The following LAMA2 variants were observed in gnomAD, a reference collection of about 807,000 sequenced individuals.
The protein encoded by LAMA2 is laminin subunit alpha-2.
In LAMA2, 269 loss-of-function variants were observed where a neutral mutation model predicts 364.8. The ratio of observed to expected loss-of-function variants is 0.74; its 90% CI spans 0.67 to 0.82. The LOEUF is 0.82. LAMA2 is among the 40% of genes least tolerant of loss of function. The pLI is 0.00. For synonymous variants in LAMA2, 1,379 were observed against 1,370.6 expected, an observed-to-expected ratio of 1.01 and a Z score of -0.14; for missense variants, 3,807 against 3,873.2, an observed-to-expected ratio of 0.98 and a Z score of 0.45.
intron 1 of LAMA2, among the ~76,000 whole-genome samples, chr6:128,975,759 T>A (rs1782492558): frequency 6.6e-6 from 1 of 152,258 alleles, no homozygotes; most frequent in African/African-American, 2.4e-5. Context: ...GACGTGACTT[T>A]GCTCTTCAAG....
intron 61 of LAMA2, among the ~76,000 whole-genome samples, chr6:129,506,516 T>A (rs960421650): frequency 6.6e-6 from 1 of 152,184 alleles, no homozygotes; most frequent in African/African-American, 2.4e-5. Context: ...AGTACAGTTA[T>A]CCAATTTTGG....
At chr6:129,054,949 C>CCAAA (rs1562195807) in intron 2 of LAMA2, among the ~76,000 whole-genome samples, 3 of 150,140 alleles carry the variant, frequency 2.0e-5, no homozygotes, top group Non-Finnish European at 3.0e-5. Context: ...AAAAGCTATT[C>CCAAA]TGTCTTTCAC....
chr6:129,441,272 T>G (rs1182543857), intron 43 of LAMA2, among the ~76,000 whole-genome samples: 1 of 152,144 alleles, frequency 6.6e-6, no homozygotes, highest in Non-Finnish European at 1.5e-5. Flanking sequence ...AGCAGAGAGA[T>G]GCAAAACACT....
chr6:129,389,490 T>C (rs1418233427), intron 35 of LAMA2, among the ~76,000 whole-genome samples: 3 of 152,220 alleles, frequency 2.0e-5, no homozygotes, highest in Non-Finnish European at 2.9e-5. Flanking sequence ...GCATCCCTTT[T>C]ATAAGAGCAC....
chr6:128,918,722 G>A (rs1582675249), intron 1 of LAMA2, among the ~76,000 whole-genome samples: 1 of 152,268 alleles, frequency 6.6e-6, no homozygotes, highest in East Asian at 1.9e-4. Flanking sequence ...TTTGATTTGT[G>A]ACTCTGAGCC....
Position 129,098,246 on chromosome 6 carries a change from C to G in LAMA2, c.470C>G (p.Ser157Cys), listed in dbSNP as rs756699354. ...PRPGNWILER[S>C]LDDVEYKPWQ... ...CCTGGAAACTGGATTTTGGAACGCTCTCTTGATGATGTTGAATACAAGCCC... is the reference window on the plus strand; with the variant it reads ...CCTGGAAACTGGATTTTGGAACGCTGTCTTGATGATGTTGAATACAAGCCC... The change falls in exon 4 of 65, where the codon TCT becomes TGT. Residue 157 changes from serine (S) to cysteine (C), a missense_variant. Ser to Cys is a moderately radical substitution (Grantham distance 112). Transcript: ENST00000421865. 15 of 1,613,950 alleles carry G rather than the reference C, an allele frequency of 9.3e-6. No individual in the cohort carries two copies. In the East Asian group the frequency reaches 2.5e-4, roughly 26 times the overall value.
At chr6:129,512,929 A>G (rs1562642227) in intron 63 of LAMA2, among the ~76,000 whole-genome samples, 1 of 152,164 alleles carries the variant, frequency 6.6e-6, no homozygotes, top group African/African-American at 2.4e-5. Flanking sequence ...TAGCCAACTG[A>G]CGCATCAGTT....
At chr6:129,268,253 TCA>T (rs1787650073) in intron 16 of LAMA2, among the ~76,000 whole-genome samples, 1 of 152,094 alleles carries the variant, frequency 6.6e-6, no homozygotes, top group Admixed American at 6.6e-5. Context: ...AATTTGTGGA[TCA>T]GTGGATTTTT....
chr6:129,174,423 C>T (rs955683180), intron 9 of LAMA2, among the ~76,000 whole-genome samples: 9 of 151,840 alleles, frequency 5.9e-5, no homozygotes, highest in Non-Finnish European at 8.8e-5. Context: ...GAGTCTGAGT[C>T]TGCATTTTTA....
intron 1 of LAMA2, among the ~76,000 whole-genome samples, chr6:128,979,825 C>T (rs1216141000): frequency 6.6e-6 from 1 of 152,140 alleles, no homozygotes; most frequent in Non-Finnish European, 1.5e-5. Context: ...CCTTTTAATC[C>T]AGTGCTAATT....
intron 35 of LAMA2, among the ~76,000 whole-genome samples, chr6:129,386,737 A>G (rs1384918289): frequency 1.3e-5 from 2 of 152,212 alleles, no homozygotes; most frequent in Non-Finnish European, 2.9e-5. Flanking sequence ...CGATGAGGCC[A>G]TATTTTTCTC....
At chr6:129,303,744 C>G (rs1773688613) in intron 22 of LAMA2, among the ~76,000 whole-genome samples, 2 of 152,150 alleles carry the variant, frequency 1.3e-5, no homozygotes, top group Non-Finnish European at 2.9e-5. Flanking sequence ...TCCAGTCTTA[C>G]AATCCTCAGA....
chr6:129,226,865 T>G (rs1265993770), intron 12 of LAMA2, among the ~76,000 whole-genome samples: 3 of 152,030 alleles, frequency 2.0e-5, no homozygotes, highest in Non-Finnish European at 4.4e-5. Flanking sequence ...TTTCCTGAAT[T>G]TGAATGTTGG....
chr6:129,015,646 C>G (rs1785022092), intron 1 of LAMA2, among the ~76,000 whole-genome samples: 1 of 151,830 alleles, frequency 6.6e-6, no homozygotes, highest in African/African-American at 2.4e-5. Flanking sequence ...AAGGTATTAC[C>G]TGTAAGTATT....
At chr6:129,190,586 A>G (rs1562314583) in intron 11 of LAMA2, among the ~76,000 whole-genome samples, 2 of 152,200 alleles carry the variant, frequency 1.3e-5, no homozygotes, top group Non-Finnish European at 2.9e-5. Context: ...TTTAGTGTCC[A>G]TGATTACTCT....
At chr6:128,902,800 A>T (rs552700960) in intron 1 of LAMA2, among the ~76,000 whole-genome samples, 2 of 152,328 alleles carry the variant, frequency 1.3e-5, no homozygotes, top group South Asian at 4.1e-4. Flanking sequence ...CTGGGATTAC[A>T]AATGTGAGCT....
At chr6:129,482,557 T>C (rs1329285708) in intron 55 of LAMA2, among the ~76,000 whole-genome samples, 7 of 152,232 alleles carry the variant, frequency 4.6e-5, no homozygotes, top group Non-Finnish European at 1.0e-4. Context: ...CATACCCTTG[T>C]AAACCAGATC....
chr6:128,949,780 A>G (rs933204028), intron 1 of LAMA2, among the ~76,000 whole-genome samples: 1 of 152,224 alleles, frequency 6.6e-6, no homozygotes, highest in Non-Finnish European at 1.5e-5. Flanking sequence ...CTTTGTAGAC[A>G]TATTTAAAAT....
chr6:129,172,870 C>T (rs1780293184), intron 9 of LAMA2, among the ~76,000 whole-genome samples: 3 of 152,250 alleles, frequency 2.0e-5, no homozygotes, highest in Admixed American at 2.0e-4. Context: ...GATATAATCT[C>T]ATGGTTCACC....
Sources: allele counts gnomAD v4.1 joint callset (sites outside exome capture counted in the v4.1 genomes callset), GRCh38; gene constraint gnomAD v4.1.1; transcripts MANE v1.5; gene names NCBI Gene and HGNC (gene_info 2026-07-23, HGNC 2026-07-21).